The following WWOX variants were observed in gnomAD, a reference collection of about 807,000 sequenced individuals.
WWOX encodes WW domain-containing oxidoreductase.
A neutral mutation model predicts 46.2 loss-of-function variants in WWOX; 69 were observed. That is an observed-to-expected ratio of 1.49 (90% CI 1.23 to 1.82). The LOEUF (loss-of-function observed/expected upper bound fraction) is 1.82, where lower values mean the gene tolerates loss of function less well. Ranked by LOEUF, WWOX falls within the 40% of genes most tolerant of loss-of-function variation. The pLI, the probability that WWOX is intolerant of heterozygous loss-of-function variation, is 0.00. For missense variants in WWOX, 919 were observed against 542.6 expected, an observed-to-expected ratio of 1.69 and a Z score of -6.89; for synonymous variants, 359 against 202.6, an observed-to-expected ratio of 1.77 and a Z score of -6.56.
chr16:78,187,859 A>G (rs545124564), intron 5 of WWOX, among the ~76,000 whole-genome samples: 1 of 152,288 alleles, frequency 6.6e-6, no homozygotes, highest in African/African-American at 2.4e-5. Flanking sequence ...ACCCAATTTT[A>G]AAGGAGAAAG....
chr16:79,036,894 C>G (rs1194737008), intron 8 of WWOX, among the ~76,000 whole-genome samples: 1 of 152,180 alleles, frequency 6.6e-6, no homozygotes, highest in Non-Finnish European at 1.5e-5. Context: ...CAAAGGGATT[C>G]TTTCAGATGG....
rs185755801 is a variant in WWOX at position 78,987,816 on chromosome 16, T to G, written c.1057-223792T>G. 2.0e-4 allele frequency among the ~76,000 whole-genome samples: 30 copies of G among 152,316 alleles called. No individual in the cohort carries two copies. The East Asian group carries it at 5.0e-3, about 25-fold the overall frequency. Reference sequence around the variant, plus strand: ...TTAAAAAATGTGCTCTCCAAAAATTTCCAGCAGGACTTTCCCACCTTGCTG... The same window carrying G: ...TTAAAAAATGTGCTCTCCAAAAATTGCCAGCAGGACTTTCCCACCTTGCTG... On this transcript the variant is annotated intron_variant, in intron 8 of 8. Coordinates refer to ENST00000566780, the MANE Select transcript of WWOX (RefSeq NM_016373.4).
At chr16:78,899,475 A>G (rs2044774872) in intron 8 of WWOX, 2 of 152,316 alleles carry the variant, frequency 1.3e-5, no homozygotes, top group South Asian at 2.1e-4. Flanking sequence ...GCTTAATACA[A>G]TGACTGATAC....
Position 78,564,484 on chromosome 16 carries a change from CT to C in WWOX, c.1056+131733del, listed in dbSNP as rs371570931. Reference sequence around the variant, plus strand: ...GAAGATCCTTGAAAATCTAGTCTCCCTCACAAGGATCAGGTGGCAGGATCTA... The same window carrying C: ...GAAGATCCTTGAAAATCTAGTCTCCCCACAAGGATCAGGTGGCAGGATCTA... On this transcript the variant is annotated intron_variant, in intron 8 of 8. Transcript: ENST00000566780. 5.9e-5 allele frequency among the ~76,000 whole-genome samples: 9 copies of C among 152,268 alleles called. No individual in the cohort carries two copies. In the South Asian group the frequency reaches 1.9e-3, roughly 32 times the overall value.
At chr16:79,171,235 G>A (rs1293392019) in intron 8 of WWOX, among the ~76,000 whole-genome samples, 1 of 152,094 alleles carries the variant, frequency 6.6e-6, no homozygotes, top group African/African-American at 2.4e-5. Context: ...GAGGTTTAGG[G>A]GTTGCTCAGA....
chr16:79,063,378 C>G (rs1322110699), intron 8 of WWOX, among the ~76,000 whole-genome samples: 1 of 152,172 alleles, frequency 6.6e-6, no homozygotes, highest in Non-Finnish European at 1.5e-5. Context: ...CACATCACAA[C>G]AGGCTGAATG....
At chr16:78,959,571 C>G (rs1042301244) in intron 8 of WWOX, among the ~76,000 whole-genome samples, 1 of 152,200 alleles carries the variant, frequency 6.6e-6, no homozygotes, top group Non-Finnish European at 1.5e-5. Flanking sequence ...ATCCATCCAT[C>G]TACTTCTAGG....
intron 8 of WWOX, among the ~76,000 whole-genome samples, chr16:78,466,977 G>A (rs922971272): frequency 6.6e-6 from 1 of 151,988 alleles, no homozygotes; most frequent in Non-Finnish European, 1.5e-5. Context: ...GAGGGACACC[G>A]ATCCCTACCC....
intron 6 of WWOX, among the ~76,000 whole-genome samples, chr16:78,415,725 G>T (rs1189447621): frequency 6.6e-6 from 1 of 152,196 alleles, no homozygotes; most frequent in Non-Finnish European, 1.5e-5. Context: ...TCCCTTTGCA[G>T]TAGGAAGTGC....
rs570234645 is a variant in WWOX at position 78,369,490 on chromosome 16, C to G, written c.517-17370C>G. 6.6e-5 allele frequency among the ~76,000 whole-genome samples: 10 copies of G among 152,266 alleles called. No individual in the cohort carries two copies. In the East Asian group the frequency reaches 1.8e-3, roughly 27 times the overall value. On this transcript the variant is annotated intron_variant, in intron 5 of 8. Coordinates refer to ENST00000566780, the MANE Select transcript of WWOX (RefSeq NM_016373.4). ...TATGCAGCAACTGGTAGGGTCGAGTCTCCTCAGGCACAACATGCAACCAAG... is the reference window on the plus strand; with the variant it reads ...TATGCAGCAACTGGTAGGGTCGAGTGTCCTCAGGCACAACATGCAACCAAG...
intron 5 of WWOX, among the ~76,000 whole-genome samples, chr16:78,285,418 G>A (rs1227273615): frequency 1.3e-5 from 2 of 151,782 alleles, no homozygotes; most frequent in East Asian, 3.9e-4. Context: ...GGGTAACAGA[G>A]TGAGACCCTG....
intron 6 of WWOX, among the ~76,000 whole-genome samples, chr16:78,395,885 G>C (rs2082274250): frequency 6.6e-6 from 1 of 151,958 alleles, no homozygotes; most frequent in African/African-American, 2.4e-5. Flanking sequence ...CATTTTCTTT[G>C]ACATGACTAT....
intron 5 of WWOX, among the ~76,000 whole-genome samples, chr16:78,340,097 A>T (rs72794010): frequency 0.24 from 21,298 of 88,890 alleles, 6,111 homozygotes; most frequent in African/African-American, 0.37. Flanking sequence ...TACTCTTTTA[A>T]CTCTCTGATG....
intron 8 of WWOX, among the ~76,000 whole-genome samples, chr16:78,835,318 C>G (rs781705082): frequency 2.6e-5 from 4 of 152,150 alleles, no homozygotes; most frequent in Non-Finnish European, 5.9e-5. Flanking sequence ...CCATTCAAAG[C>G]GTTGTGCAAA....
chr16:78,430,491 T>C (rs113437273), intron 7 of WWOX, among the ~76,000 whole-genome samples: 21 of 152,278 alleles, frequency 1.4e-4, no homozygotes, highest in African/African-American at 4.8e-4. Context: ...TCCATGAGTG[T>C]CCACTGGGGC....
chr16:78,378,362 A>G (rs1262108301), intron 5 of WWOX, among the ~76,000 whole-genome samples: 1 of 152,184 alleles, frequency 6.6e-6, no homozygotes, highest in African/African-American at 2.4e-5. Flanking sequence ...CAAACTCCCC[A>G]TCAGACTGGC....
intron 6 of WWOX, among the ~76,000 whole-genome samples, chr16:78,388,432 G>A (rs1299966861): frequency 6.6e-6 from 1 of 151,358 alleles, no homozygotes; most frequent in Non-Finnish European, 1.5e-5. Flanking sequence ...AGGGTCATGA[G>A]GTCAAGAGAT....
intron 8 of WWOX, among the ~76,000 whole-genome samples, chr16:78,518,891 T>C (rs572132785): frequency 6.6e-6 from 1 of 152,310 alleles, no homozygotes; most frequent in Non-Finnish European, 1.5e-5. Context: ...CATGTGTTCT[T>C]TGGTACTCAC....
intron 8 of WWOX, among the ~76,000 whole-genome samples, chr16:78,632,319 T>A (rs956639970): frequency 6.6e-6 from 1 of 152,140 alleles, no homozygotes; most frequent in African/African-American, 2.4e-5. Context: ...ACACGTAGAA[T>A]AGTATTTGAC....
Sources: allele counts gnomAD v4.1 joint callset (sites outside exome capture counted in the v4.1 genomes callset), GRCh38; gene constraint gnomAD v4.1.1; transcripts MANE v1.5; gene names NCBI Gene and HGNC (gene_info 2026-07-23, HGNC 2026-07-21).